Variants in SMARCAD1 observed in about 807,000 individuals in gnomAD.
SMARCAD1 encodes the protein SNF2 related chromatin remodeling ATPase with DExD box 1, also known as SWI/SNF-related matrix-associated actin-dependent regulator of chromatin subfamily A containing DEAD/H box 1.
In SMARCAD1, 25 loss-of-function variants were observed where a neutral mutation model predicts 127.1. The ratio of observed to expected loss-of-function variants is 0.20; its 90% CI spans 0.14 to 0.27. The LOEUF (loss-of-function observed/expected upper bound fraction) is 0.27. Ranked by LOEUF, SMARCAD1 falls within the 10% of genes least tolerant of loss-of-function variation. The pLI, the probability that SMARCAD1 is intolerant of heterozygous loss-of-function variation, is 1.00. For missense variants in SMARCAD1, 807 were observed against 1,206.0 expected (o/e 0.67, Z 4.90); for synonymous variants, 400 against 396.9 (o/e 1.01, Z -0.09).
chr4:94,208,337 C>A lies in SMARCAD1; in HGVS notation c.-49-9C>A. The stretch of plus-strand genomic sequence containing the variant: ...GGCCTTTTTTCCTCTCTTTATTTTT[C>A]CCCTGCAGATAGTTCATTTAAAGCC... On this transcript the variant is annotated splice_polypyrimidine_tract_variant and intron_variant, in intron 1 of 23. Coordinates refer to ENST00000354268, the MANE Select transcript of SMARCAD1 (RefSeq NM_020159.5). 6.4e-7 allele frequency: 1 copy of A among 1,550,520 alleles called. No homozygotes were observed. The highest frequency in any genetic ancestry group is 8.9e-7 in the Non-Finnish European group (1 of 1,123,810).
In SMARCAD1 at chr4:94,289,529, C is replaced by T; in HGVS notation, c.3076C>T (p.Leu1026=). Residue 1026 remains leucine, a synonymous_variant, in exon 24 of 24, where the codon CTG becomes TTG. Transcript: ENST00000354268. The part of the protein sequence containing the change: ...IATLLKTSMG[L] ...CACATTACTAAAAACATCAATGGGC[C>T]TGTGAAATAAGAACTGTGAACTCTC... 6.2e-7 allele frequency: 1 copy of T among 1,612,252 alleles called. No homozygotes were observed. The highest frequency in any genetic ancestry group is 2.2e-5 in the East Asian group (1 of 44,780).
chr4:94,252,758 TA>T lies in SMARCAD1; in HGVS notation c.1040del (p.Asn347MetfsTer24), dbSNP rs754697669. 9 of 1,609,070 alleles carry T rather than the reference TA, an allele frequency of 5.6e-6. No homozygotes were observed. In the Admixed American group the frequency reaches 6.8e-5, roughly 12 times the overall value. ...CACAAAATGGCTTTAACAAGAAACG[TA>T]AAAAAAATGTTTTTAATCCAAAGAG... ...KAQNGFNKKR[K>X]KNVFNPKRVV... is the part of the protein sequence containing the mutation. On this transcript the variant is annotated frameshift_variant, in exon 9 of 24. Coordinates refer to ENST00000354268, the MANE Select transcript of SMARCAD1 (RefSeq NM_020159.5). LOFTEE classifies it high-confidence loss of function.
At chr4:94,213,110 A>G (rs1284753960) in intron 2 of SMARCAD1, 1 of 1,287,684 alleles carries the variant, frequency 7.8e-7, no homozygotes, top group East Asian at 5.6e-5. Flanking sequence ...TAAAGAATAA[A>G]AATGAGTGAA....
chr4:94,256,599 G>A (rs1280966316), intron 9 of SMARCAD1, among the ~76,000 whole-genome samples: 3 of 152,142 alleles, frequency 2.0e-5, no homozygotes, highest in Non-Finnish European at 4.4e-5. Context: ...CTGACCTCAG[G>A]TGATCCACCT....
At chr4:94,264,352 A>AT (rs1751432390) in intron 9 of SMARCAD1, among the ~76,000 whole-genome samples, 1 of 151,976 alleles carries the variant, frequency 6.6e-6, no homozygotes, top group Non-Finnish European at 1.5e-5. Flanking sequence ...TGAATTTAAG[A>AT]TTTTGAAATG....
At chr4:94,255,389 CGTT>C (rs973849272) in intron 9 of SMARCAD1, among the ~76,000 whole-genome samples, 34 of 151,914 alleles carry the variant, frequency 2.2e-4, no homozygotes, top group African/African-American at 8.0e-4. Flanking sequence ...GTTTCTTTAA[CGTT>C]GGTGATTATT....
intron 6 of SMARCAD1, among the ~76,000 whole-genome samples, chr4:94,245,110 A>T (rs943062881): frequency 6.6e-6 from 1 of 152,212 alleles, no homozygotes; most frequent in African/African-American, 2.4e-5. Context: ...GAAGAATTTG[A>T]TACTTCAGAG....
At chr4:94,249,240 T>C (rs1160650452) in intron 6 of SMARCAD1, among the ~76,000 whole-genome samples, 5 of 152,110 alleles carry the variant, frequency 3.3e-5, no homozygotes, top group Non-Finnish European at 1.5e-5. Flanking sequence ...AGTAAACTCT[T>C]CTCAGAATTT....
chr4:94,211,057 G>A (rs779947484), intron 2 of SMARCAD1, among the ~76,000 whole-genome samples: 89 of 151,886 alleles, frequency 5.9e-4, no homozygotes, highest in Non-Finnish European at 9.9e-4. Flanking sequence ...CTGATCAGCT[G>A]AGGTTGGAAG....
At chr4:94,242,451 A>T (rs1442189512) in intron 6 of SMARCAD1, among the ~76,000 whole-genome samples, 1 of 152,122 alleles carries the variant, frequency 6.6e-6, no homozygotes, top group Non-Finnish European at 1.5e-5. Flanking sequence ...TGTTCCTGAT[A>T]CATTGCTGAT....
At position 94,208,874 on chromosome 4, in the gene SMARCAD1, G is replaced by A. The variant is rs183993; in HGVS notation, c.190+290G>A. 0.55 allele frequency among the ~76,000 whole-genome samples: 83,342 copies of A among 152,020 alleles called. 23,356 individuals carry two copies. Among genetic ancestry groups the A allele is most frequent in the East Asian group, 0.72 (3,713 of 5,170 alleles). The stretch of plus-strand genomic sequence containing the variant: ...TCAGAACGGTTGCTATTGGAAGAGC[G>A]ATGTCAGTGATTCAGTCCTATGATA... On this transcript the variant is annotated intron_variant, in intron 2 of 23. Transcript: ENST00000354268.
chr4:94,286,072 A>T (rs1448067564), intron 23 of SMARCAD1, among the ~76,000 whole-genome samples: 1 of 152,232 alleles, frequency 6.6e-6, no homozygotes, highest in Non-Finnish European at 1.5e-5. Context: ...ATAGAACCAT[A>T]ATAGTTGATA....
chr4:94,237,682 T>C (rs1426678327), intron 5 of SMARCAD1, among the ~76,000 whole-genome samples: 1 of 152,140 alleles, frequency 6.6e-6, no homozygotes, highest in Admixed American at 6.5e-5. Context: ...AATGTAAATA[T>C]ATTGGTTTAC....
Position 94,233,989 on chromosome 4 carries a change from T to C in SMARCAD1, c.404T>C (p.Leu135Pro). 2 of 1,613,808 alleles carry C rather than the reference T, an allele frequency of 1.2e-6. No homozygotes were observed. The highest frequency in any genetic ancestry group is 1.7e-6 in the Non-Finnish European group (2 of 1,179,812). ...TCTGAAGATGAAGAGTCCCAAGGCC[T>C]TCCTACCATGGCACGTAGAAATGAT... Reference protein sequence around the residue: ...EPSEDEESQGLPTMARRNDDI... With the variant: ...EPSEDEESQGPPTMARRNDDI... Residue 135 changes from leucine to proline, a missense_variant, in exon 4 of 24, where the codon CTT (leucine) becomes CCT (proline). Transcript: ENST00000354268.
intron 2 of SMARCAD1, among the ~76,000 whole-genome samples, chr4:94,224,892 G>A (rs1042795741): frequency 5.3e-5 from 8 of 152,122 alleles, no homozygotes; most frequent in Middle Eastern, 3.2e-3. Flanking sequence ...AATGACCTAC[G>A]AGAGAATTAA....
chr4:94,238,572 C>T (rs1007681717), intron 5 of SMARCAD1, among the ~76,000 whole-genome samples: 2 of 152,038 alleles, frequency 1.3e-5, no homozygotes, highest in African/African-American at 4.8e-5. Flanking sequence ...AGGATTGTGC[C>T]ACTGCACTGC....
At chr4:94,211,046 G>A (rs1742162533) in intron 2 of SMARCAD1, among the ~76,000 whole-genome samples, 2 of 152,012 alleles carry the variant, frequency 1.3e-5, no homozygotes, top group South Asian at 4.1e-4. Flanking sequence ...GCTGAGGCGG[G>A]CTGATCAGCT....
At chr4:94,215,748 C>G (rs1743068711) in intron 2 of SMARCAD1, among the ~76,000 whole-genome samples, 1 of 152,122 alleles carries the variant, frequency 6.6e-6, no homozygotes, top group Admixed American at 6.5e-5. Flanking sequence ...TTTTTCATAC[C>G]TGTCTAAAAT....
chr4:94,249,501 T>C (rs1164221402), intron 6 of SMARCAD1, among the ~76,000 whole-genome samples, 153 bp from the exon 7 acceptor site: 1 of 152,078 alleles, frequency 6.6e-6, no homozygotes, highest in African/African-American at 2.4e-5. Context: ...GACATAAATA[T>C]GTCAATGTTC....
Sources: gnomAD v4.1 joint callset for allele counts (sites outside exome capture counted in the v4.1 genomes callset) on GRCh38, gnomAD v4.1.1 for gene constraint, MANE v1.5 for transcripts, NCBI Gene and HGNC (gene_info 2026-07-23, HGNC 2026-07-21) for gene names.